The following SGCZ variants were observed in gnomAD, a reference collection of about 807,000 sequenced individuals.
The protein encoded by SGCZ is zeta-sarcoglycan.
In SGCZ, 40 loss-of-function variants were observed where a neutral mutation model predicts 41.3. The ratio of observed to expected loss-of-function variants is 0.97; its 90% CI spans 0.75 to 1.26. SGCZ has a LOEUF of 1.26. Ranked by LOEUF, SGCZ falls within the 50% of genes most tolerant of loss-of-function variation. The pLI is 0.00. For synonymous variants in SGCZ, 206 were observed against 137.5 expected (o/e 1.50, Z -3.49); for missense variants, 552 against 369.8 (o/e 1.49, Z -4.04).
rs1433354179 is a variant in SGCZ at position 14,863,795 on chromosome 8, C to T, written c.40-308869G>A. On this transcript the variant is annotated intron_variant, in intron 1 of 7. Coordinates refer to ENST00000382080, the MANE Select transcript of SGCZ (RefSeq NM_139167.4). ...ATGGCTAAGTAGATGAAATTATCCA[C>T]ATCATGTGAAGACTGGGTTGTAAAT... Among the ~76,000 whole-genome samples the T allele has an allele frequency of 2.6e-5, 4 of 152,190 alleles. No homozygotes were observed. In the South Asian group the frequency reaches 6.2e-4, roughly 24 times the overall value.
chr8:14,558,608 GAGA>G lies in SGCZ; in HGVS notation c.40-3685_40-3683del, dbSNP rs1563410185. Among the ~76,000 whole-genome samples, 849 of 145,170 alleles carry G rather than the reference GAGA, an allele frequency of 5.8e-3. 12 individuals are homozygous for G. The highest frequency in any genetic ancestry group is 0.021 in the African/African-American group (773 of 37,468). On this transcript the variant is annotated intron_variant, in intron 1 of 7. Transcript: ENST00000382080. ...AGAGAGAGAGAGAGAGAGAGAGAGA[GAGA>G]GAATCTTCCATAAATAATTATATGA...
intron 2 of SGCZ, among the ~76,000 whole-genome samples, chr8:14,467,866 T>G (rs1450972865): frequency 6.6e-6 from 1 of 152,082 alleles, no homozygotes; most frequent in African/African-American, 2.4e-5. Context: ...GCAAAGTCAT[T>G]CTCTGAGAGT....
rs557127106 is a variant in SGCZ at position 14,961,079 on chromosome 8, G to A, written c.39+276506C>T. Among the ~76,000 whole-genome samples the A allele has an allele frequency of 4.6e-5, 7 of 152,112 alleles. No individual in the cohort carries two copies. The South Asian group carries it at 1.5e-3, about 32-fold the overall frequency. The stretch of plus-strand genomic sequence containing the variant: ...TTAGCATTTTAACTCTAAATTCCTT[G>A]GCGGCAAGCTGTGAATCAATGCATC... On this transcript the variant is annotated intron_variant, in intron 1 of 7. Coordinates refer to ENST00000382080, the MANE Select transcript of SGCZ (RefSeq NM_139167.4).
chr8:14,830,270 G>T (rs1407713014), intron 1 of SGCZ, among the ~76,000 whole-genome samples: 17 of 145,788 alleles, frequency 1.2e-4, no homozygotes, highest in African/African-American at 3.7e-4. Context: ...TTTTTTTTTT[G>T]GTTTGCCTTA....
In SGCZ at chr8:14,998,587, T is replaced by C. The variant is rs1286554403; in HGVS notation, c.39+238998A>G. 2.0e-5 allele frequency among the ~76,000 whole-genome samples: 3 copies of C among 152,328 alleles called. No individual in the cohort carries two copies. The East Asian group carries it at 5.8e-4, about 29-fold the overall frequency. On this transcript the variant is annotated intron_variant, in intron 1 of 7. Coordinates refer to ENST00000382080, the MANE Select transcript of SGCZ (RefSeq NM_139167.4). ...TAAAAACTCATCTTGACTTCTGCCA[T>C]AGTTTTAAAGTAGCTTCAATTTGCC...
chr8:14,670,738 A>G (rs1808075356), intron 1 of SGCZ, among the ~76,000 whole-genome samples: 1 of 152,114 alleles, frequency 6.6e-6, no homozygotes, highest in Non-Finnish European at 1.5e-5. Flanking sequence ...TATTTTCAGT[A>G]CAACCCATGA....
At chr8:14,700,421 C>G (rs6991947) in intron 1 of SGCZ, among the ~76,000 whole-genome samples, 122,198 of 151,796 alleles carry the variant, frequency 0.81, 49,694 homozygotes, top group African/African-American at 0.93. Flanking sequence ...AGTACACATG[C>G]ACAAAAGATA....
intron 1 of SGCZ, among the ~76,000 whole-genome samples, chr8:14,738,167 T>A (rs1332501146): frequency 6.6e-6 from 1 of 152,082 alleles, no homozygotes; most frequent in Admixed American, 6.6e-5. Context: ...GATCTCTACT[T>A]TATATTACAA....
At chr8:14,232,598 T>A (rs990853665) in intron 4 of SGCZ, among the ~76,000 whole-genome samples, 5 of 151,884 alleles carry the variant, frequency 3.3e-5, no homozygotes, top group Non-Finnish European at 7.4e-5. Context: ...TTGTTTTTTA[T>A]TTTTTATTTT....
At chr8:14,149,995 C>G (rs1489488784) in intron 5 of SGCZ, among the ~76,000 whole-genome samples, 1 of 152,054 alleles carries the variant, frequency 6.6e-6, no homozygotes, top group Non-Finnish European at 1.5e-5. Context: ...AGACTAGACC[C>G]CTATCTCTTG....
intron 1 of SGCZ, among the ~76,000 whole-genome samples, chr8:14,829,559 G>A (rs1403061947): frequency 6.6e-6 from 1 of 152,054 alleles, no homozygotes; most frequent in Non-Finnish European, 1.5e-5. Context: ...CTTTGAACAA[G>A]AAATTAAGGT....
intron 2 of SGCZ, among the ~76,000 whole-genome samples, chr8:14,426,034 C>T (rs1272324432): frequency 6.6e-6 from 1 of 152,120 alleles, no homozygotes; most frequent in East Asian, 1.9e-4. Flanking sequence ...TTAATCCATA[C>T]AAGAATTCAT....
chr8:15,007,838 T>C (rs1416264819), intron 1 of SGCZ, among the ~76,000 whole-genome samples: 1 of 152,196 alleles, frequency 6.6e-6, no homozygotes, highest in African/African-American at 2.4e-5. Flanking sequence ...GATAAAATCA[T>C]TTCAAACTTA....
chr8:14,457,505 C>G (rs1476725044), intron 2 of SGCZ, among the ~76,000 whole-genome samples: 1 of 152,222 alleles, frequency 6.6e-6, no homozygotes, highest in African/African-American at 2.4e-5. Flanking sequence ...GGCCTGACAT[C>G]AGTCAGGCTT....
In SGCZ at chr8:14,238,246, A is replaced by T. The variant is rs1806839152; in HGVS notation, c.337-567T>A. Reference sequence around the variant, plus strand: ...GCTTGTTTATTTAATTTTGTCACAAAAGGAAAGATCCAGGGACAGGAACCA... The same window carrying T: ...GCTTGTTTATTTAATTTTGTCACAATAGGAAAGATCCAGGGACAGGAACCA... On this transcript the variant is annotated intron_variant, in intron 3 of 7. Transcript: ENST00000382080. 3.9e-5 allele frequency among the ~76,000 whole-genome samples: 6 copies of T among 152,200 alleles called. No individual in the cohort carries two copies. In the South Asian group the frequency reaches 1.2e-3, roughly 32 times the overall value.
chr8:14,341,363 G>A (rs148776336), intron 2 of SGCZ, among the ~76,000 whole-genome samples: 1 of 152,220 alleles, frequency 6.6e-6, no homozygotes, highest in East Asian at 1.9e-4. Flanking sequence ...TTTTCACAAT[G>A]CTTGTACCAT....
chr8:14,986,309 G>T (rs934480784), intron 1 of SGCZ, among the ~76,000 whole-genome samples: 1 of 152,016 alleles, frequency 6.6e-6, no homozygotes, highest in East Asian at 1.9e-4. Context: ...TACCACTAAG[G>T]TTCTTACAGT....
chr8:14,239,746 C>CA (rs1798793048), intron 3 of SGCZ, among the ~76,000 whole-genome samples: 1 of 150,228 alleles, frequency 6.7e-6, no homozygotes, highest in Non-Finnish European at 1.5e-5. Context: ...ACTAAAAATA[C>CA]AAAAAATTAG....
chr8:15,207,534 T>C (rs1801106115), intron 1 of SGCZ, among the ~76,000 whole-genome samples: 4 of 152,142 alleles, frequency 2.6e-5, no homozygotes, highest in African/African-American at 9.7e-5. Context: ...AGCAGACTGC[T>C]CGGTGGTGCC....
Sources: gnomAD v4.1 joint callset for allele counts (sites outside exome capture counted in the v4.1 genomes callset) on GRCh38, gnomAD v4.1.1 for gene constraint, MANE v1.5 for transcripts, NCBI Gene and HGNC (gene_info 2026-07-23, HGNC 2026-07-21) for gene names.